The following ZNF479 variants were observed in gnomAD, a reference collection of about 807,000 sequenced individuals.
ZNF479 encodes KRAB zinc finger protein KR19.
Under a neutral mutation model 14.7 loss-of-function variants are expected in ZNF479, and 15 were observed. That is an observed-to-expected ratio of 1.02 (90% CI 0.68 to 1.57). ZNF479 has a LOEUF of 1.57. Ranked by LOEUF, ZNF479 falls within the 40% of genes most tolerant of loss-of-function variation. ZNF479 has a pLI of 0.00. For synonymous variants in ZNF479, 145 were observed against 211.5 expected (o/e 0.69, Z 2.73); for missense variants, 506 against 615.1 (o/e 0.82, Z 1.88).
In ZNF479 at chr7:57,126,699, T is replaced by C. The variant is rs774444077; in HGVS notation, c.59A>G (p.Asp20Gly). 1.2e-6 allele frequency: 2 copies of C among 1,614,104 alleles called. No homozygotes were observed. Among genetic ancestry groups the C allele is most frequent in the South Asian group, 1.1e-5 (1 of 91,086 alleles). ...CTCCAGAGAGAATTCTATAGCTATG[T>C]CTCTGAATGTCAACAGTCCCTGGAA... ...SREMGLLTFR[D>G]IAIEFSLEEW... Residue 20 changes from aspartate to glycine, a missense_variant, in exon 2 of 4, where the codon GAC (aspartate) becomes GGC (glycine). Physicochemically the swap from Asp to Gly is moderately conservative, Grantham distance 94. Coordinates refer to ENST00000319636, the MANE Select transcript of ZNF479 (RefSeq NM_001370129.2).
chr7:57,120,587 T>G lies in ZNF479; in HGVS notation c.828A>C (p.Gln276His). ...EKPYTCEECGQAFRRSSALTN... is the reference protein window; with the variant it reads ...EKPYTCEECGHAFRRSSALTN... Reference sequence around the variant, plus strand: ...TAAGTGCTGAGGAGCGCCTAAAGGCTTGGCCACATTCTTCACACGTGTAGG... The same window carrying G: ...TAAGTGCTGAGGAGCGCCTAAAGGCGTGGCCACATTCTTCACACGTGTAGG... The change falls in exon 4 of 4, where the codon CAA (glutamine) becomes CAC (histidine). Residue 276 changes from glutamine to histidine, a missense_variant. Transcript: ENST00000319636. The G allele has an allele frequency of 1.9e-6, 3 of 1,613,984 alleles. No individual in the cohort carries two copies. Among genetic ancestry groups the G allele is most frequent in the Non-Finnish European group, 2.5e-6 (3 of 1,179,918 alleles).
intron 3 of ZNF479, among the ~76,000 whole-genome samples, chr7:57,122,524 T>C (rs1554400805): frequency 6.6e-6 from 1 of 152,074 alleles, no homozygotes; most frequent in Non-Finnish European, 1.5e-5. Flanking sequence ...AAAATACTTT[T>C]AGTTATTCTT....
At position 57,118,025 on chromosome 7, in the gene ZNF479, C is replaced by A. The variant is rs117869117; in HGVS notation, c.*1815G>T. On this transcript the variant is annotated 3_prime_UTR_variant, in exon 4 of 4. Transcript: ENST00000319636. Reference sequence around the variant, plus strand: ...TCTTTCTACTGTGACCCCTCAGATGCTTATATAGACTTAATTTTTGATTTA... The same window carrying A: ...TCTTTCTACTGTGACCCCTCAGATGATTATATAGACTTAATTTTTGATTTA... Among the ~76,000 whole-genome samples the A allele has an allele frequency of 2.9e-5, 4 of 140,190 alleles. No individual in the cohort carries two copies. In the South Asian group the frequency reaches 9.3e-4, roughly 33 times the overall value. The allele number at this position is 140,190 out of a possible 152,430, so 92.0% of individuals were successfully genotyped here.
At chr7:57,126,161 A>G in intron 2 of ZNF479, 48 bp from the exon 3 acceptor site, 1 of 1,520,616 alleles carries the variant, frequency 6.6e-7, no homozygotes, top group Non-Finnish European at 8.9e-7. Context: ...TGAATTCTTT[A>G]ATTACCAAAT....
intron 1 of ZNF479, among the ~76,000 whole-genome samples, chr7:57,138,081 A>C (rs2115914702): frequency 6.6e-6 from 1 of 152,250 alleles, no homozygotes; most frequent in Middle Eastern, 3.4e-3. Flanking sequence ...GCCCATAGTA[A>C]AAATATTGAC....
rs1163221456 is a variant in ZNF479, at chr7:57,119,201, T to C, written c.*639A>G. ...TCAGTATTAATTCTCTTATGTATAA[T>C]AAGGGTTCAAGACTAGTTAACAGCT... is the stretch of plus-strand genomic sequence containing the variant. On this transcript the variant is annotated 3_prime_UTR_variant, in exon 4 of 4. Coordinates refer to ENST00000319636, the MANE Select transcript of ZNF479 (RefSeq NM_001370129.2). 1.3e-5 allele frequency among the ~76,000 whole-genome samples: 2 copies of C among 152,212 alleles called. No homozygotes were observed. Among genetic ancestry groups the C allele is most frequent in the Non-Finnish European group, 2.9e-5 (2 of 68,032 alleles).
chr7:57,118,652 G>A lies in ZNF479; in HGVS notation c.*1188C>T, dbSNP rs200173135. 1.5e-4 allele frequency among the ~76,000 whole-genome samples: 22 copies of A among 143,904 alleles called. No homozygotes were observed. Among genetic ancestry groups the A allele is most frequent in the East Asian group, 1.1e-3 (5 of 4,538 alleles). The allele number at this position is 143,904 out of a possible 152,430, so 94.4% of individuals were successfully genotyped here. On this transcript the variant is annotated 3_prime_UTR_variant, in exon 4 of 4. Coordinates refer to ENST00000319636, the MANE Select transcript of ZNF479 (RefSeq NM_001370129.2). ...CCCAAAGTGCTGGAATTATAGGCAT[G>A]AGCCAACACACCTGACCTATAATCC...
At chr7:57,131,277 A>G (rs2115891843) in intron 1 of ZNF479, among the ~76,000 whole-genome samples, 1 of 152,214 alleles carries the variant, frequency 6.6e-6, no homozygotes, top group East Asian at 1.9e-4. Flanking sequence ...TAAAAAAAAA[A>G]ATCAGCTGGG....
At position 57,118,500 on chromosome 7, in the gene ZNF479, T is replaced by G. The variant is rs1390906146; in HGVS notation, c.*1340A>C. Among the ~76,000 whole-genome samples the G allele has an allele frequency of 1.3e-5, 2 of 152,144 alleles. No individual in the cohort carries two copies. The highest frequency in any genetic ancestry group is 4.8e-5 in the African/African-American group (2 of 41,440). ...AATTCTCCTACCTCTGCCTGCCAAG[T>G]AGCTGGGATTACAAGTGCACGCCAC... is the stretch of plus-strand genomic sequence containing the variant. On this transcript the variant is annotated 3_prime_UTR_variant, in exon 4 of 4. Transcript: ENST00000319636.
Position 57,132,274 on chromosome 7 carries a change from C to A in ZNF479, c.39+12G>T. ...CCCACCCCTCTCTCACGATGACAGA[C>A]CCAGCACTCACCATTTCTCGGCTTC... On this transcript the variant is annotated intron_variant, in intron 1 of 3. Coordinates refer to ENST00000319636, the MANE Select transcript of ZNF479 (RefSeq NM_001370129.2). The A allele has an allele frequency of 6.2e-7, 1 of 1,614,080 alleles. No individual in the cohort carries two copies. Among genetic ancestry groups the A allele is most frequent in the Non-Finnish European group, 8.5e-7 (1 of 1,180,020 alleles).
At position 57,118,936 on chromosome 7, in the gene ZNF479, G is replaced by A. The variant is rs376834793; in HGVS notation, c.*904C>T. 6.6e-6 allele frequency among the ~76,000 whole-genome samples: 1 copy of A among 152,132 alleles called. No homozygotes were observed. The highest frequency in any genetic ancestry group is 1.9e-4 in the East Asian group (1 of 5,176). ...CATTTCTAGAGTTTCTCACCAGTAT[G>A]ATTTCTCTTTTTTAGAAAAGTTTGA... On this transcript the variant is annotated 3_prime_UTR_variant, in exon 4 of 4. Coordinates refer to ENST00000319636, the MANE Select transcript of ZNF479 (RefSeq NM_001370129.2).
chr7:57,121,274 G>A (rs1403988878), intron 3 of ZNF479, 122 bp from the exon 4 acceptor site: 87 of 763,718 alleles, frequency 1.1e-4, no homozygotes, highest in Non-Finnish European at 1.7e-4. Context: ...AATACCACAG[G>A]CCATAATTCC....
chr7:57,120,150 G>A lies in ZNF479; in HGVS notation c.1265C>T (p.Ser422Leu), dbSNP rs1554399906. 9.9e-6 allele frequency: 16 copies of A among 1,612,826 alleles called. No homozygotes were observed. The highest frequency in any genetic ancestry group is 1.4e-5 in the Non-Finnish European group (16 of 1,179,526). ...AATTCTCTTGTGGTCAGTGAGGGTTGAGGATAAGCTAAAGACTTTGCCACA... is the reference window on the plus strand; with the variant it reads ...AATTCTCTTGTGGTCAGTGAGGGTTAAGGATAAGCTAAAGACTTTGCCACA... ...EECGKVFSLS[S>L]TLTDHKRIHT... Residue 422 changes from serine to leucine, a missense_variant, in exon 4 of 4, where the codon TCA becomes TTA. Ser to Leu is a moderately radical substitution (Grantham distance 145). Transcript: ENST00000319636.
At position 57,120,072 on chromosome 7, in the gene ZNF479, A is replaced by G; in HGVS notation, c.1343T>C (p.Leu448Ser). The change falls in exon 4 of 4, where the codon TTA (leucine) becomes TCA (serine). Residue 448 changes from leucine to serine, a missense_variant. Transcript: ENST00000319636. Reference sequence around the variant, plus strand: ...CTTGTGGTCAGTGAGGGTTGAGGATAAGCTAAAGGCTTTGCCACATTCTTC... The same window carrying G: ...CTTGTGGTCAGTGAGGGTTGAGGATGAGCTAAAGGCTTTGCCACATTCTTC... Reference protein sequence around the residue: ...KCEECGKAFSLSSTLTDHKRI... With the variant: ...KCEECGKAFSSSSTLTDHKRI... 1 of 1,606,146 alleles carries G rather than the reference A, an allele frequency of 6.2e-7. No individual in the cohort carries two copies. Among genetic ancestry groups the G allele is most frequent in the Non-Finnish European group, 8.5e-7 (1 of 1,177,494 alleles).
Position 57,132,301 on chromosome 7 carries a change from A to G in ZNF479, c.24T>C (p.Pro8=). The G allele has an allele frequency of 6.2e-7, 1 of 1,613,992 alleles. No individual in the cohort carries two copies. The highest frequency in any genetic ancestry group is 8.5e-7 in the Non-Finnish European group (1 of 1,179,986). The change falls in exon 1 of 4, where the codon CCT becomes CCC. Residue 8 remains proline, a synonymous_variant. Transcript: ENST00000319636. ...CAGCACTCACCATTTCTCGGCTTCCAGGGGGTCCTGGTCTTTTAGCCATAA... is the reference window on the plus strand; with the variant it reads ...CAGCACTCACCATTTCTCGGCTTCCGGGGGGTCCTGGTCTTTTAGCCATAA... MAKRPGP[P]GSREMGLLTF... is the part of the protein sequence containing the mutation.
chr7:57,136,786 T>G (rs759332650), upstream of ZNF479, among the ~76,000 whole-genome samples: 2 of 152,226 alleles, frequency 1.3e-5, no homozygotes, highest in Admixed American at 6.5e-5. Flanking sequence ...GAATATTTGT[T>G]GATTCTCTTC....
Position 57,132,399 on chromosome 7 carries a change from G to C in ZNF479, c.-75C>G. On this transcript the variant is annotated 5_prime_UTR_variant, in exon 1 of 4. Transcript: ENST00000319636. ...GGAGCAGAGGACACAGAGCAGTGAA[G>C]AGGAGAACTGCAGCTCTGGACGCAG... The C allele has an allele frequency of 2.5e-6, 4 of 1,608,420 alleles. No individual in the cohort carries two copies. Among genetic ancestry groups the C allele is most frequent in the Non-Finnish European group, 3.4e-6 (4 of 1,175,086 alleles).
upstream of ZNF479, among the ~76,000 whole-genome samples, chr7:57,135,985 C>CAA (rs1786636605): frequency 6.8e-6 from 1 of 147,552 alleles, no homozygotes; most frequent in African/African-American, 2.5e-5. Context: ...CTCTCTCTCT[C>CAA]TCTCTCTCTC....
rs1452302422 is a variant in ZNF479 at position 57,118,182 on chromosome 7, A to G, written c.*1658T>C. Among the ~76,000 whole-genome samples the G allele has an allele frequency of 6.6e-6, 1 of 152,282 alleles. No individual in the cohort carries two copies. Among genetic ancestry groups the G allele is most frequent in the Non-Finnish European group, 1.5e-5 (1 of 68,050 alleles). On this transcript the variant is annotated 3_prime_UTR_variant, in exon 4 of 4. Transcript: ENST00000319636. ...ACTTTCTCTCCAATATAAATTCTCT[A>G]ATGTTCAACAAAGTTTGAGCATCTT...
Sources: gnomAD v4.1 joint callset for allele counts (sites outside exome capture counted in the v4.1 genomes callset) on GRCh38, gnomAD v4.1.1 for gene constraint, MANE v1.5 for transcripts, NCBI Gene and HGNC (gene_info 2026-07-23, HGNC 2026-07-21) for gene names.